ZBTB1: variants seen among roughly 807,000 people sequenced by gnomAD.
The protein encoded by ZBTB1 is zinc finger and BTB domain-containing protein 1.
ZBTB1 carries 13 observed loss-of-function variants against 51.6 expected under a neutral mutation model. The observed-to-expected ratio is 0.25, with a 90% CI of 0.16 to 0.40. The LOEUF (loss-of-function observed/expected upper bound fraction) is 0.40. Ranked by LOEUF, ZBTB1 falls within the 10% of genes least tolerant of loss-of-function variation. The pLI, the probability that ZBTB1 is intolerant of heterozygous loss-of-function variation, is 1.00. For missense variants in ZBTB1, 567 were observed against 856.5 expected, an observed-to-expected ratio of 0.66 and a Z score of 4.22; for synonymous variants, 240 against 282.2, an observed-to-expected ratio of 0.85 and a Z score of 1.50.
rs923131276 is a variant in ZBTB1 at position 64,524,813 on chromosome 14, A to G, written c.*1167A>G. ...GGATTATAAAATAATCACAGAGTAT[A>G]TCAATGGAAACAGTTTATCATTTTT... On this transcript the variant is annotated 3_prime_UTR_variant, in exon 2 of 2. Transcript: ENST00000683701. 8 of 981,400 alleles carry G rather than the reference A, an allele frequency of 8.2e-6. No homozygotes were observed. Among genetic ancestry groups the G allele is most frequent in the African/African-American group, 3.5e-5 (2 of 57,116 alleles). The allele number at this position is 981,400 out of a possible 1,614,324, so 60.8% of individuals were successfully genotyped here.
At chr14:64,513,904 C>T (rs1400314255) in intron 1 of ZBTB1, among the ~76,000 whole-genome samples, 1 of 152,196 alleles carries the variant, frequency 6.6e-6, no homozygotes, top group Non-Finnish European at 1.5e-5. Context: ...AGGTGATCCA[C>T]CCACCTCAGC....
chr14:64,520,635 T>G (rs542136538), intron 1 of ZBTB1, among the ~76,000 whole-genome samples: 1 of 152,296 alleles, frequency 6.6e-6, no homozygotes, highest in South Asian at 2.1e-4. Flanking sequence ...TTTAAGCATA[T>G]CTCAGATGTA....
At chr14:64,509,922 A>T (rs1447051902) in intron 1 of ZBTB1, among the ~76,000 whole-genome samples, 1 of 151,432 alleles carries the variant, frequency 6.6e-6, no homozygotes, top group Admixed American at 6.6e-5. Context: ...GCTTGCAGTG[A>T]GCCGAGATTG....
chr14:64,507,349 C>CTT (rs919881902), intron 1 of ZBTB1, among the ~76,000 whole-genome samples: 5 of 152,044 alleles, frequency 3.3e-5, no homozygotes, highest in Non-Finnish European at 7.4e-5. Context: ...AAGGGTTACT[C>CTT]GTGTCTATTT....
chr14:64,532,947 G>C (rs2079953551), exon 3 of ZBTB1: 1 of 151,836 alleles, frequency 6.6e-6, no homozygotes, highest in South Asian at 2.1e-4. Context: ...TTCTGTTTAT[G>C]TACCCAATTC....
intron 1 of ZBTB1, among the ~76,000 whole-genome samples, chr14:64,508,212 T>G (rs771973629): frequency 1.7e-4 from 26 of 152,244 alleles, no homozygotes; most frequent in Non-Finnish European, 3.5e-4. Flanking sequence ...TATACTACTC[T>G]GTCTTTGAAT....
chr14:64,521,411 C>A, intron 1 of ZBTB1, 76 bp from the exon 2 acceptor site: 1 of 1,225,488 alleles, frequency 8.2e-7, no homozygotes, highest in Non-Finnish European at 1.1e-6. Context: ...ATGCAAGTCA[C>A]AAATCATGAT....
At chr14:64,516,268 A>T (rs918789588) in intron 1 of ZBTB1, among the ~76,000 whole-genome samples, 1 of 152,178 alleles carries the variant, frequency 6.6e-6, no homozygotes, top group African/African-American at 2.4e-5. Context: ...AAAAATAATA[A>T]TTAAAATTTA....
intron 1 of ZBTB1, among the ~76,000 whole-genome samples, chr14:64,508,857 A>G (rs2079693627): frequency 6.6e-6 from 1 of 152,264 alleles, no homozygotes. Context: ...CTCATCAAGT[A>G]TCAACTAAAT....
Position 64,521,475 on chromosome 14 carries a change from TG to T in ZBTB1, c.-18-11del. The stretch of plus-strand genomic sequence containing the variant: ...ATATCTTGTTTGACTTTAATATTTT[TG>T]TTTTACATAGGTCTCTAATTAACAG... On this transcript the variant is annotated splice_polypyrimidine_tract_variant and intron_variant, in intron 1 of 1. Transcript: ENST00000683701. 6.5e-7 allele frequency: 1 copy of T among 1,532,426 alleles called. No individual in the cohort carries two copies. Among genetic ancestry groups the T allele is most frequent in the East Asian group, 2.3e-5 (1 of 44,102 alleles). The allele number at this position is 1,532,426 out of a possible 1,614,324, so 94.9% of individuals were successfully genotyped here. A position where few individuals can be genotyped will look rare whatever the true frequency, so the allele number is the denominator to read the frequency against.
In ZBTB1 at chr14:64,524,675, CA is replaced by C. The variant is rs557728220; in HGVS notation, c.*1036del. On this transcript the variant is annotated 3_prime_UTR_variant, in exon 2 of 2. Coordinates refer to ENST00000683701, the MANE Select transcript of ZBTB1 (RefSeq NM_001123329.2). ...GGTTGTTCTATAAAAGTAGAGTGCACAAAAAAATGTCTTGTGTTTTATACTG... is the reference window on the plus strand; with the variant it reads ...GGTTGTTCTATAAAAGTAGAGTGCACAAAAAATGTCTTGTGTTTTATACTG... The C allele has an allele frequency of 7.5e-5, 74 of 984,644 alleles. No homozygotes were observed. In the East Asian group the frequency reaches 4.2e-3, roughly 56 times the overall value. The allele number at this position is 984,644 out of a possible 1,614,324, so 61.0% of individuals were successfully genotyped here.
At chr14:64,526,114 G>A (rs992761685), downstream of ZBTB1, among the ~76,000 whole-genome samples, 13 of 151,804 alleles carry the variant, frequency 8.6e-5, no homozygotes, top group East Asian at 4.0e-4. Flanking sequence ...CACCGTGCCC[G>A]GCCACCTCAA....
At chr14:64,527,855 A>G (rs1042425608), downstream of ZBTB1, among the ~76,000 whole-genome samples, 11 of 152,330 alleles carry the variant, frequency 7.2e-5, no homozygotes, top group Non-Finnish European at 1.5e-4. Flanking sequence ...TTGAATAAAA[A>G]ACATTTGAAA....
At chr14:64,509,320 G>A (rs938765154) in intron 1 of ZBTB1, among the ~76,000 whole-genome samples, 3 of 152,066 alleles carry the variant, frequency 2.0e-5, no homozygotes, top group Admixed American at 6.6e-5. Context: ...GCAGTGAGCC[G>A]AAATTGCCCC....
rs2079677218 is a variant in ZBTB1, at chr14:64,507,418, T to A, written c.-19+2472T>A. On this transcript the variant is annotated intron_variant, in intron 1 of 1. Transcript: ENST00000683701. Reference sequence around the variant, plus strand: ...TCCATGCTCTTTGAAAAATTCAGCCTGTATTGAAGTACATAAAATACAAAA... The same window carrying A: ...TCCATGCTCTTTGAAAAATTCAGCCAGTATTGAAGTACATAAAATACAAAA... Among the ~76,000 whole-genome samples, 2 of 152,252 alleles carry A rather than the reference T, an allele frequency of 1.3e-5. 1 individual carries two copies. The highest frequency in any genetic ancestry group is 4.1e-4 in the South Asian group (2 of 4,834).
chr14:64,523,049 T>C lies in ZBTB1; in HGVS notation c.1545T>C (p.His515=). The C allele has an allele frequency of 6.2e-7, 1 of 1,614,182 alleles. No individual in the cohort carries two copies. Among genetic ancestry groups the C allele is most frequent in the South Asian group, 1.1e-5 (1 of 91,086 alleles). The change falls in exon 2 of 2, where the codon CAT becomes CAC. Residue 515 remains histidine, a synonymous_variant. Coordinates refer to ENST00000683701, the MANE Select transcript of ZBTB1 (RefSeq NM_001123329.2). The surrounding 1 kb of genome is among the most constrained non-coding windows in gnomAD (Gnocchi z 4.5). ...VEMLDDFRDN[H]YQINSIQKKQ... ...TGCTGGATGATTTTAGGGACAATCATTACCAGATAAACAGTATCCAAAAAA... is the reference window on the plus strand; with the variant it reads ...TGCTGGATGATTTTAGGGACAATCACTACCAGATAAACAGTATCCAAAAAA...
intron 1 of ZBTB1, among the ~76,000 whole-genome samples, chr14:64,512,082 A>G (rs534142470): frequency 3.9e-5 from 6 of 152,184 alleles, no homozygotes; most frequent in Non-Finnish European, 8.8e-5. Context: ...AATTCTATAA[A>G]CTGTAATTAT....
chr14:64,515,458 AAG>A (rs2079770658), intron 1 of ZBTB1, among the ~76,000 whole-genome samples: 1 of 152,228 alleles, frequency 6.6e-6, no homozygotes. Context: ...AAAATGAAAA[AAG>A]AGCAAACTCC....
intron 1 of ZBTB1, chr14:64,514,272 A>G (rs1217485307): frequency 6.6e-6 from 1 of 152,246 alleles, no homozygotes; most frequent in African/African-American, 2.4e-5. Context: ...ATCCAGAGGT[A>G]ATTGTAAGTC....
Sources: allele counts gnomAD v4.1 joint callset (sites outside exome capture counted in the v4.1 genomes callset), GRCh38; gene constraint gnomAD v4.1.1; non-coding constraint Gnocchi (gnomAD v3.1); transcripts MANE v1.5; gene names NCBI Gene and HGNC (gene_info 2026-07-23, HGNC 2026-07-21).